The following TLN2 variants were observed in gnomAD, a reference collection of about 807,000 sequenced individuals.
TLN2 encodes the protein talin-2.
TLN2 carries 118 observed loss-of-function variants against 294.7 expected under a neutral mutation model. That is an observed-to-expected ratio of 0.40 (90% CI 0.34 to 0.47). The LOEUF is 0.47. Ranked by LOEUF, TLN2 falls within the 20% of genes least tolerant of loss-of-function variation. TLN2 has a pLI of 0.84. For synonymous variants in TLN2, 1,431 were observed against 1,304.5 expected (o/e 1.10, Z -2.09); for missense variants, 3,083 against 3,282.2 (o/e 0.94, Z 1.48).
chr15:62,736,163 C>A (rs528132158), intron 28 of TLN2, among the ~76,000 whole-genome samples: 2 of 151,828 alleles, frequency 1.3e-5, no homozygotes, highest in East Asian at 3.9e-4. Context: ...AAAGAAAATA[C>A]AAAAAAATTA....
chr15:62,799,020 C>G (rs760064795), intron 48 of TLN2, among the ~76,000 whole-genome samples: 8 of 152,212 alleles, frequency 5.3e-5, no homozygotes, highest in Non-Finnish European at 1.2e-4. Context: ...CCACTGCACT[C>G]TTAATACGTT....
At position 62,835,776 on chromosome 15, in the gene TLN2, T is replaced by G. The variant is rs2069471774; in HGVS notation, c.7168T>G (p.Trp2390Gly). The G allele has an allele frequency of 6.2e-7, 1 of 1,614,016 alleles. No individual in the cohort carries two copies. Among genetic ancestry groups the G allele is most frequent in the Non-Finnish European group, 8.5e-7 (1 of 1,180,014 alleles). Residue 2390 changes from tryptophan to glycine, a missense_variant, in exon 56 of 59, where the codon TGG (tryptophan) becomes GGG (glycine). Coordinates refer to ENST00000636159, the MANE Select transcript of TLN2 (RefSeq NM_015059.3). The part of the protein sequence containing the change: ...IPANAADDGQ[W>G]SQGLISAARM... ...TGCCAATGCTGCAGACGACGGACAG[T>G]GGTCACAGGGGCTGATTTCTGCTGT...
At chr15:62,761,539 T>C (rs116776816) in intron 37 of TLN2, 142 bp from the exon 38 acceptor site, 1 of 1,148,450 alleles carries the variant, frequency 8.7e-7, no homozygotes, top group African/African-American at 1.5e-5. Flanking sequence ...CTTTCATCAG[T>C]TCCTATTTAT....
intron 1 of TLN2, among the ~76,000 whole-genome samples, chr15:62,522,972 ACACACACTCT>A (rs1567055452): frequency 7.2e-6 from 1 of 139,100 alleles, no homozygotes. Flanking sequence ...ACACACACAC[ACACACACTCT>A]CTCACTCACA....
intron 2 of TLN2, among the ~76,000 whole-genome samples, chr15:62,604,013 C>G (rs962098327): frequency 6.6e-6 from 1 of 152,170 alleles, no homozygotes; most frequent in African/African-American, 2.4e-5. Flanking sequence ...ATGGGTGTGG[C>G]TGTGTTCCAA....
At chr15:62,762,588 A>C (rs2062743447) in intron 39 of TLN2, 135 bp downstream of exon 39, 1 of 974,972 alleles carries the variant, frequency 1.0e-6, no homozygotes, top group Non-Finnish European at 1.5e-6. Flanking sequence ...TGGGGCCGGA[A>C]GCACTGGTCA....
At chr15:62,741,546 G>A (rs1417779570) in intron 32 of TLN2, among the ~76,000 whole-genome samples, 1 of 152,110 alleles carries the variant, frequency 6.6e-6, no homozygotes, top group East Asian at 1.9e-4. Context: ...ATGATTCTGT[G>A]GTGGTGCAGG....
intron 11 of TLN2, among the ~76,000 whole-genome samples, chr15:62,686,434 T>C (rs2057295617): frequency 6.6e-6 from 1 of 152,212 alleles, no homozygotes. Flanking sequence ...TTTGTGGCTC[T>C]TTCCAGTCTT....
chr15:62,698,171 T>G (rs965389710), intron 15 of TLN2, among the ~76,000 whole-genome samples: 1 of 152,216 alleles, frequency 6.6e-6, no homozygotes, highest in Admixed American at 6.5e-5. Context: ...TAGGAAAGTC[T>G]GAGAAGTCGA....
chr15:62,419,679 C>T (rs1025032637), intron 1 of TLN2, among the ~76,000 whole-genome samples: 1 of 151,608 alleles, frequency 6.6e-6, no homozygotes, highest in African/African-American at 2.4e-5. Context: ...GGACAGTCTT[C>T]CTCTGTCACC....
intron 17 of TLN2, 92 bp downstream of exon 17, chr15:62,701,306 G>A: frequency 9.4e-7 from 1 of 1,058,916 alleles, no homozygotes; most frequent in Non-Finnish European, 1.4e-6. Context: ...TCTGTTGATT[G>A]AAACAATAGA....
chr15:62,749,078 G>A (rs567586077), intron 33 of TLN2, among the ~76,000 whole-genome samples: 1 of 152,332 alleles, frequency 6.6e-6, no homozygotes, highest in South Asian at 2.1e-4. Context: ...CTACTTGTAT[G>A]TCCTAACCAA....
intron 2 of TLN2, among the ~76,000 whole-genome samples, chr15:62,592,399 G>GT (rs1226013645): frequency 6.6e-6 from 1 of 152,114 alleles, no homozygotes; most frequent in Non-Finnish European, 1.5e-5. Context: ...TCAACTCTCG[G>GT]TTTGCTGCCT....
intron 3 of TLN2, among the ~76,000 whole-genome samples, chr15:62,631,188 C>G (rs1397752539): frequency 6.6e-6 from 1 of 152,110 alleles, no homozygotes; most frequent in Non-Finnish European, 1.5e-5. Context: ...GTCTCTCTCT[C>G]TCCTTTCTGC....
At chr15:62,494,922 G>A (rs992154223) in intron 1 of TLN2, among the ~76,000 whole-genome samples, 2 of 152,086 alleles carry the variant, frequency 1.3e-5, no homozygotes, top group African/African-American at 2.4e-5. Flanking sequence ...TCCCCACACA[G>A]CCCTCCTTTT....
At chr15:62,690,696 A>G (rs1456193948) in intron 12 of TLN2, among the ~76,000 whole-genome samples, 1 of 149,000 alleles carries the variant, frequency 6.7e-6, no homozygotes, top group Non-Finnish European at 1.5e-5. Flanking sequence ...AGCCGAGATC[A>G]CGCCACTGCA....
chr15:62,815,662 T>C (rs2067053238), intron 52 of TLN2, among the ~76,000 whole-genome samples: 1 of 152,230 alleles, frequency 6.6e-6, no homozygotes, highest in Admixed American at 6.5e-5. Flanking sequence ...TGTTAAAATA[T>C]CTAGAGCCAA....
intron 2 of TLN2, among the ~76,000 whole-genome samples, chr15:62,611,150 C>T (rs555650826): frequency 1.2e-4 from 19 of 152,086 alleles, no homozygotes; most frequent in South Asian, 6.2e-4. Flanking sequence ...TAAGATAGAG[C>T]GATATTAACA....
Position 62,716,454 on chromosome 15 carries a change from C to T in TLN2, c.2758C>T (p.Leu920=). ...NAIKKKIVNR[L]EVAAKQAAAA... ...TATTAAGAAAAAAATTGTCAACCGA[C>T]TGGAGGTAAGGAAAGAGGCTGCCTT... The change falls in exon 23 of 59, where the codon CTG becomes TTG. Residue 920 remains leucine (L), a synonymous_variant. Transcript: ENST00000636159. The T allele has an allele frequency of 6.2e-7, 1 of 1,601,900 alleles. No individual in the cohort carries two copies.
Sources: allele counts gnomAD v4.1 joint callset (sites outside exome capture counted in the v4.1 genomes callset), GRCh38; gene constraint gnomAD v4.1.1; transcripts MANE v1.5; gene names NCBI Gene and HGNC (gene_info 2026-07-23, HGNC 2026-07-21).